The following NEK7 variants were observed in gnomAD, a reference collection of about 807,000 sequenced individuals.
NEK7 encodes serine/threonine-protein kinase Nek7.
In NEK7, 18 loss-of-function variants were observed where a neutral mutation model predicts 44.6. The observed-to-expected ratio is 0.40, with a 90% confidence interval of 0.28 to 0.60. NEK7 has a LOEUF of 0.60. Ranked by LOEUF, NEK7 falls within the 20% of genes least tolerant of loss-of-function variation. The probability of loss-of-function intolerance (pLI) is 0.38; values close to 1 mark genes in which losing one functional copy is unlikely to be tolerated. For synonymous variants in NEK7, 130 were observed against 121.1 expected, an observed-to-expected ratio of 1.07 and a Z score of -0.48; for missense variants, 256 against 366.5, an observed-to-expected ratio of 0.70 and a Z score of 2.46.
At chr1:198,237,623 G>C (rs1237962875) in intron 2 of NEK7, among the ~76,000 whole-genome samples, 2 of 152,124 alleles carry the variant, frequency 1.3e-5, no homozygotes, top group Admixed American at 1.3e-4. Context: ...CTGCTACTCT[G>C]AAGTTACTTA....
chr1:198,242,713 C>T (rs1483198455), intron 2 of NEK7, among the ~76,000 whole-genome samples: 6 of 151,590 alleles, frequency 4.0e-5, no homozygotes, highest in Admixed American at 6.6e-5. Context: ...CCACCCGCCT[C>T]GGCCCCACAA....
At chr1:198,266,368 A>C (rs1044993404) in intron 5 of NEK7, among the ~76,000 whole-genome samples, 3 of 152,118 alleles carry the variant, frequency 2.0e-5, no homozygotes, top group Admixed American at 1.3e-4. Flanking sequence ...CTTTTAAAAA[A>C]TAGCTCTAGA....
chr1:198,309,680 G>T (rs955710025), intron 9 of NEK7, among the ~76,000 whole-genome samples: 6 of 151,174 alleles, frequency 4.0e-5, no homozygotes, highest in Non-Finnish European at 8.8e-5. Context: ...ACCTATGAGT[G>T]AGAATATGCG....
chr1:198,302,402 G>C lies in NEK7; in HGVS notation c.798+5162G>C, dbSNP rs1229308763. Among the ~76,000 whole-genome samples, 34 of 149,406 alleles carry C rather than the reference G, an allele frequency of 2.3e-4. 1 individual carries two copies. The South Asian group carries it at 5.3e-3, about 23-fold the overall frequency. ...GAGAAATGGAAGGCAGGAGGGGAGG[G>C]TTCTTTCTGGCTTCTCCTGGAATAG... On this transcript the variant is annotated intron_variant, in intron 9 of 9. Transcript: ENST00000367385.
chr1:198,238,699 C>A (rs1666605021), intron 2 of NEK7, among the ~76,000 whole-genome samples: 1 of 152,180 alleles, frequency 6.6e-6, no homozygotes, highest in Non-Finnish European at 1.5e-5. Context: ...CTAACTTGTC[C>A]ATCGTCACAT....
intron 1 of NEK7, among the ~76,000 whole-genome samples, chr1:198,202,236 G>A (rs557436884): frequency 5.3e-5 from 8 of 152,002 alleles, no homozygotes; most frequent in African/African-American, 9.7e-5. Flanking sequence ...TTTCAGTGCC[G>A]TTGTAGGTGT....
chr1:198,298,846 C>T (rs1012616482), intron 9 of NEK7, among the ~76,000 whole-genome samples: 1 of 152,202 alleles, frequency 6.6e-6, no homozygotes, highest in African/African-American at 2.4e-5. Context: ...CCTCAGCAGG[C>T]GGTTACCATG....
At position 198,285,521 on chromosome 1, in the gene NEK7, G is replaced by A. The variant is rs551914293; in HGVS notation, c.589+6460G>A. ...TGACTTGGCATTCCAGGCAGCTTCA[G>A]TCTTGTGTTATATTCATATCAACAT... On this transcript the variant is annotated intron_variant, in intron 7 of 9. Coordinates refer to ENST00000367385, the MANE Select transcript of NEK7 (RefSeq NM_133494.3). Among the ~76,000 whole-genome samples, 3 of 152,284 alleles carry A rather than the reference G, an allele frequency of 2.0e-5. No homozygotes were observed. The East Asian group carries it at 5.8e-4, about 29-fold the overall frequency.
chr1:198,158,516 ATGTTC>A (rs1342931263), intron 1 of NEK7, among the ~76,000 whole-genome samples: 2 of 152,182 alleles, frequency 1.3e-5, no homozygotes, highest in Non-Finnish European at 2.9e-5. Context: ...TATTATAAAT[ATGTTC>A]TGTTCAGGAC....
intron 4 of NEK7, among the ~76,000 whole-genome samples, chr1:198,263,097 G>GC (rs1455577757): frequency 6.6e-6 from 1 of 151,808 alleles, no homozygotes; most frequent in African/African-American, 2.4e-5. Flanking sequence ...CCAGGAATTA[G>GC]CTTTTTAGTT....
At chr1:198,187,785 G>A (rs932888118) in intron 1 of NEK7, among the ~76,000 whole-genome samples, 5 of 152,164 alleles carry the variant, frequency 3.3e-5, no homozygotes, top group South Asian at 2.1e-4. Context: ...AGTCTTTCCC[G>A]TGGGTAGAAA....
intron 5 of NEK7, among the ~76,000 whole-genome samples, chr1:198,270,956 T>C (rs556044032): frequency 6.6e-6 from 1 of 152,176 alleles, no homozygotes; most frequent in East Asian, 1.9e-4. Context: ...TCACTGGTTT[T>C]TGGGGGAATT....
chr1:198,286,832 A>G (rs1011339783), intron 7 of NEK7, among the ~76,000 whole-genome samples: 2 of 152,130 alleles, frequency 1.3e-5, no homozygotes, highest in African/African-American at 4.8e-5. Flanking sequence ...CCCAGCTTCT[A>G]GAGGCTGCCC....
At chr1:198,167,440 A>G (rs1664301492) in intron 1 of NEK7, among the ~76,000 whole-genome samples, 1 of 152,206 alleles carries the variant, frequency 6.6e-6, no homozygotes, top group African/African-American at 2.4e-5. Context: ...TATGATATGC[A>G]CTCATTAACA....
At chr1:198,284,673 C>T (rs1037523875) in intron 7 of NEK7, among the ~76,000 whole-genome samples, 13 of 152,094 alleles carry the variant, frequency 8.5e-5, no homozygotes, top group African/African-American at 3.1e-4. Flanking sequence ...TCTGAGGTCT[C>T]CTTTCAGCAA....
chr1:198,166,192 G>A (rs1160960432), intron 1 of NEK7, among the ~76,000 whole-genome samples: 3 of 152,206 alleles, frequency 2.0e-5, no homozygotes, highest in South Asian at 2.1e-4. Context: ...TATCATTGGT[G>A]TGTTCACTGA....
At chr1:198,168,667 C>T (rs1664338973) in intron 1 of NEK7, among the ~76,000 whole-genome samples, 1 of 152,182 alleles carries the variant, frequency 6.6e-6, no homozygotes, top group African/African-American at 2.4e-5. Flanking sequence ...TCTGTGATTA[C>T]ATTCCCTTTA....
At chr1:198,313,206 T>C (rs1655245451) in intron 9 of NEK7, among the ~76,000 whole-genome samples, 1 of 152,214 alleles carries the variant, frequency 6.6e-6, no homozygotes, top group South Asian at 2.1e-4. Flanking sequence ...GCCTTCTTTG[T>C]CTCTTTTGAT....
chr1:198,313,928 G>T (rs541367304), intron 9 of NEK7, among the ~76,000 whole-genome samples: 1 of 151,784 alleles, frequency 6.6e-6, no homozygotes, highest in East Asian at 2.0e-4. Flanking sequence ...TGCTCTTCTC[G>T]AGGAGTATCT....
Sources: allele counts gnomAD v4.1 joint callset (sites outside exome capture counted in the v4.1 genomes callset), GRCh38; gene constraint gnomAD v4.1.1; transcripts MANE v1.5; gene names NCBI Gene and HGNC (gene_info 2026-07-23, HGNC 2026-07-21).